The following VSTM2B variants were observed in gnomAD, a reference collection of about 807,000 sequenced individuals.
VSTM2B encodes the protein V-set and transmembrane domain-containing protein 2B.
In VSTM2B, 24 loss-of-function variants were observed where a neutral mutation model predicts 24.0. The ratio of observed to expected loss-of-function variants is 1.00; its 90% CI spans 0.72 to 1.40. The LOEUF (loss-of-function observed/expected upper bound fraction) is 1.40, where lower values mean the gene tolerates loss of function less well. Among genes scored for constraint, VSTM2B ranks in the 40% most tolerant of loss-of-function variants. VSTM2B has a pLI of 0.00. For synonymous variants in VSTM2B, 226 were observed against 194.4 expected (o/e 1.16, Z -1.35); for missense variants, 399 against 416.4 (o/e 0.96, Z 0.36).
chr19:29,555,271 C>T (rs1267915710), intron 4 of VSTM2B, among the ~76,000 whole-genome samples: 1 of 152,096 alleles, frequency 6.6e-6, no homozygotes, highest in African/African-American at 2.4e-5. Context: ...AACCACACGA[C>T]CATATGAAAA....
chr19:29,558,106 T>G (rs1970452647), intron 4 of VSTM2B, among the ~76,000 whole-genome samples: 1 of 151,952 alleles, frequency 6.6e-6, no homozygotes, highest in Non-Finnish European at 1.5e-5. Flanking sequence ...TGTATATATA[T>G]ATAAAGCTCA....
At position 29,526,706 on chromosome 19, in the gene VSTM2B, G is replaced by A. The variant is rs1969578917; in HGVS notation, c.82+41G>A. ...TTGCTGCCGCTGTGGACTCGGGGGG[G>A]TCTTTGCTGGGGCCGCCACCGAGAA... On this transcript the variant is annotated intron_variant, in intron 1 of 4. Coordinates refer to ENST00000335523, the MANE Select transcript of VSTM2B (RefSeq NM_001146339.2). The surrounding 1 kb of genome is among the most constrained non-coding windows in gnomAD (Gnocchi z 4.1). The A allele has an allele frequency of 8.1e-6, 12 of 1,487,916 alleles. No homozygotes were observed. The highest frequency in any genetic ancestry group is 1.1e-5 in the Non-Finnish European group (12 of 1,111,326). 92.2% of individuals were successfully genotyped at this position (1,487,916 alleles called of 1,614,324 possible).
At chr19:29,558,843 G>T (rs1195062572) in intron 4 of VSTM2B, among the ~76,000 whole-genome samples, 1 of 152,202 alleles carries the variant, frequency 6.6e-6, no homozygotes, top group Admixed American at 6.5e-5. Context: ...TGCACATCAT[G>T]CACAAGTGTC....
chr19:29,547,879 A>G (rs1970187881), intron 4 of VSTM2B, among the ~76,000 whole-genome samples: 1 of 151,782 alleles, frequency 6.6e-6, no homozygotes, highest in African/African-American at 2.4e-5. Flanking sequence ...GGGAATGGTC[A>G]GATTGAAGTG....
intron 4 of VSTM2B, among the ~76,000 whole-genome samples, chr19:29,552,618 A>G (rs1275300800): frequency 1.3e-5 from 2 of 152,206 alleles, no homozygotes; most frequent in African/African-American, 4.8e-5. Flanking sequence ...CTTGGGTCCC[A>G]AGCACGCCAC....
At chr19:29,541,100 GA>G (rs1970009651) in intron 4 of VSTM2B, among the ~76,000 whole-genome samples, 1 of 152,224 alleles carries the variant, frequency 6.6e-6, no homozygotes. Flanking sequence ...AAGCAAAGGG[GA>G]AATTAAGTCA....
At chr19:29,563,217 C>T (rs1396450127) in intron 4 of VSTM2B, among the ~76,000 whole-genome samples, 1 of 151,162 alleles carries the variant, frequency 6.6e-6, no homozygotes, top group African/African-American at 2.4e-5. Flanking sequence ...ACATTTCTGT[C>T]CTCATGTATC....
chr19:29,546,114 G>A (rs1490022351), intron 4 of VSTM2B, among the ~76,000 whole-genome samples: 1 of 152,144 alleles, frequency 6.6e-6, no homozygotes, highest in African/African-American at 2.4e-5. Flanking sequence ...AACTTGTGGG[G>A]GCCTCTGAGA....
rs1969601390 is a variant in VSTM2B at position 29,527,207 on chromosome 19, C to G, written c.83-4C>G. On this transcript the variant is annotated splice_region_variant and splice_polypyrimidine_tract_variant and intron_variant, in intron 1 of 4. Coordinates refer to ENST00000335523, the MANE Select transcript of VSTM2B (RefSeq NM_001146339.2). ...CACGCCTCTCTCTCTCTCCCCACCC[C>G]CAGCTGCATTCACAGAAGTCCCCAA... 6.5e-7 allele frequency: 1 copy of G among 1,547,518 alleles called. No homozygotes were observed. The highest frequency in any genetic ancestry group is 2.0e-5 in the Admixed American group (1 of 50,818).
At chr19:29,548,772 G>C (rs1273271516) in intron 4 of VSTM2B, among the ~76,000 whole-genome samples, 1 of 152,210 alleles carries the variant, frequency 6.6e-6, no homozygotes, top group South Asian at 2.1e-4. Context: ...GAAGGAAGGG[G>C]TGTGTCTGGC....
At chr19:29,529,721 T>G in intron 3 of VSTM2B, 98 bp from the exon 4 acceptor site, 2 of 1,194,400 alleles carry the variant, frequency 1.7e-6, no homozygotes, top group Admixed American at 2.2e-5. Flanking sequence ...ATCCGGGAAG[T>G]GTTGGGGTGC....
intron 4 of VSTM2B, among the ~76,000 whole-genome samples, chr19:29,552,428 G>A (rs1051614830): frequency 1.3e-5 from 2 of 152,254 alleles, no homozygotes; most frequent in Non-Finnish European, 1.5e-5. Flanking sequence ...GGAGAGCAAG[G>A]AAAAGCAGGG....
chr19:29,528,517 C>A, intron 3 of VSTM2B, 55 bp downstream of exon 3: 2 of 1,546,322 alleles, frequency 1.3e-6, no homozygotes, highest in South Asian at 1.2e-5. Flanking sequence ...CGCCTCGGGT[C>A]CCGCAGCTCC....
intron 4 of VSTM2B, among the ~76,000 whole-genome samples, chr19:29,534,220 G>GA (rs1334705438): frequency 2.0e-5 from 3 of 152,168 alleles, no homozygotes; most frequent in African/African-American, 7.2e-5. Context: ...CAGAGAGTAG[G>GA]AGGGGAGGCA....
At chr19:29,535,744 G>A (rs537768853) in intron 4 of VSTM2B, among the ~76,000 whole-genome samples, 6 of 152,086 alleles carry the variant, frequency 3.9e-5, no homozygotes, top group African/African-American at 7.2e-5. Flanking sequence ...TGGCACACAC[G>A]TGACCCAGGA....
At chr19:29,544,674 C>G (rs1161007392) in intron 4 of VSTM2B, among the ~76,000 whole-genome samples, 1 of 151,312 alleles carries the variant, frequency 6.6e-6, no homozygotes, top group Non-Finnish European at 1.5e-5. Context: ...TGTGTACTGG[C>G]AGTGTTGGGA....
chr19:29,530,343 C>T, intron 4 of VSTM2B, 53 bp downstream of exon 4: 1 of 1,415,748 alleles, frequency 7.1e-7, no homozygotes, highest in Non-Finnish European at 9.2e-7. Context: ...AGGGCTAGGG[C>T]TGCGCCGGGA....
Position 29,527,243 on chromosome 19 carries a change from G to A in VSTM2B, c.115G>A (p.Val39Ile). ...AFTEVPKDVT[V>I]REGDDIEMPC... ...CACAGAAGTCCCCAAAGATGTGACA[G>A]TACGGGAGGGAGACGACATCGAAAT... The change falls in exon 2 of 5, where the codon GTA becomes ATA. Residue 39 changes from valine (V) to isoleucine (I), a missense_variant. Coordinates refer to ENST00000335523, the MANE Select transcript of VSTM2B (RefSeq NM_001146339.2). 6.5e-7 allele frequency: 1 copy of A among 1,549,974 alleles called. No individual in the cohort carries two copies. The highest frequency in any genetic ancestry group is 8.7e-7 in the Non-Finnish European group (1 of 1,146,594).
At chr19:29,541,525 T>C (rs543098795) in intron 4 of VSTM2B, among the ~76,000 whole-genome samples, 1 of 151,952 alleles carries the variant, frequency 6.6e-6, no homozygotes, top group Non-Finnish European at 1.5e-5. Context: ...GATGAGTGGA[T>C]GAATTGGAGA....
Sources: allele counts gnomAD v4.1 joint callset (sites outside exome capture counted in the v4.1 genomes callset), GRCh38; gene constraint gnomAD v4.1.1; non-coding constraint Gnocchi (gnomAD v3.1); transcripts MANE v1.5; gene names NCBI Gene and HGNC (gene_info 2026-07-23, HGNC 2026-07-21).